Variants in RIMS2 observed in about 807,000 individuals in gnomAD.
The protein encoded by RIMS2 is regulating synaptic membrane exocytosis 2.
In RIMS2, 59 loss-of-function variants were observed where a neutral mutation model predicts 174.4. The observed-to-expected ratio is 0.34, with a 90% CI of 0.27 to 0.42. RIMS2 has a LOEUF of 0.42. Among genes scored for constraint, RIMS2 ranks in the 10% least tolerant of loss-of-function variants. The pLI, the probability that RIMS2 is intolerant of heterozygous loss-of-function variation, is 1.00. For missense variants in RIMS2, 1,620 were observed against 1,666.3 expected (o/e 0.97, Z 0.48); for synonymous variants, 606 against 572.5 (o/e 1.06, Z -0.84).
At chr8:103,591,351 A>G (rs1193396932) in intron 1 of RIMS2, among the ~76,000 whole-genome samples, 3 of 150,854 alleles carry the variant, frequency 2.0e-5, no homozygotes, top group African/African-American at 7.3e-5. Flanking sequence ...ATTTTCTCCC[A>G]GTGTATGCTT....
chr8:104,001,276 T>C (rs1326944155), intron 17 of RIMS2, among the ~76,000 whole-genome samples: 1 of 152,108 alleles, frequency 6.6e-6, no homozygotes, highest in East Asian at 1.9e-4. Context: ...ATGTTTGAAG[T>C]GATGTATATC....
intron 2 of RIMS2, among the ~76,000 whole-genome samples, chr8:103,730,051 A>G (rs1328082828): frequency 1.3e-5 from 2 of 152,158 alleles, no homozygotes; most frequent in Non-Finnish European, 2.9e-5. Context: ...TTCTGTAATT[A>G]TCTATTAGGT....
chr8:104,182,763 G>T (rs2098947412), intron 19 of RIMS2, among the ~76,000 whole-genome samples: 1 of 151,666 alleles, frequency 6.6e-6, no homozygotes, highest in Admixed American at 6.6e-5. Context: ...GACAGTGTAG[G>T]TTTAGACTCT....
intron 1 of RIMS2, among the ~76,000 whole-genome samples, chr8:103,547,858 A>C (rs1845829492): frequency 1.3e-5 from 2 of 152,108 alleles, no homozygotes; most frequent in Admixed American, 1.3e-4. Context: ...AATACTAAAA[A>C]ACCTTCAGAA....
At chr8:104,034,040 G>A (rs774975442) in intron 19 of RIMS2, among the ~76,000 whole-genome samples, 29 of 152,124 alleles carry the variant, frequency 1.9e-4, no homozygotes, top group Non-Finnish European at 3.4e-4. Context: ...TCAATAAATT[G>A]TCAAAGATTC....
At chr8:103,512,245 G>C (rs1290751547) in intron 1 of RIMS2, among the ~76,000 whole-genome samples, 1 of 152,174 alleles carries the variant, frequency 6.6e-6, no homozygotes, top group Non-Finnish European at 1.5e-5. Context: ...TAGTGACAAA[G>C]TTTAACATTT....
At chr8:103,733,863 G>A (rs1171271687) in intron 2 of RIMS2, among the ~76,000 whole-genome samples, 1 of 151,968 alleles carries the variant, frequency 6.6e-6, no homozygotes, top group African/African-American at 2.4e-5. Flanking sequence ...TTAATATGTT[G>A]TTTAAACCAG....
intron 19 of RIMS2, among the ~76,000 whole-genome samples, chr8:104,217,765 T>C (rs1319035169): frequency 6.6e-6 from 1 of 152,208 alleles, no homozygotes; most frequent in Admixed American, 6.5e-5. Flanking sequence ...AGATTATATA[T>C]TTTGGATTTC....
chr8:104,011,383 GAGAAAAATATATA>G (rs1317359043), intron 17 of RIMS2, among the ~76,000 whole-genome samples: 2 of 151,842 alleles, frequency 1.3e-5, no homozygotes, highest in African/African-American at 4.8e-5. Flanking sequence ...TGTATTTACG[GAGAAAAATATATA>G]AGTAAAATGT....
chr8:103,585,764 A>G (rs2430747), intron 1 of RIMS2, among the ~76,000 whole-genome samples: 53,675 of 151,638 alleles, frequency 0.35, 10,225 homozygotes, highest in East Asian at 0.77. Context: ...GCATTAAGAT[A>G]AATACCTAAT....
intron 19 of RIMS2, among the ~76,000 whole-genome samples, chr8:104,016,729 T>C (rs1268245336): frequency 2.0e-5 from 3 of 152,078 alleles, no homozygotes; most frequent in African/African-American, 7.2e-5. Flanking sequence ...TTATGCACAT[T>C]TTTAAAATTG....
At chr8:103,583,674 T>G (rs1188826089) in intron 1 of RIMS2, among the ~76,000 whole-genome samples, 1 of 152,100 alleles carries the variant, frequency 6.6e-6, no homozygotes, top group Non-Finnish European at 1.5e-5. Context: ...GAAGAAAGAA[T>G]TAGTGACCTT....
intron 3 of RIMS2, among the ~76,000 whole-genome samples, chr8:103,837,234 G>C (rs1416504454): frequency 6.6e-6 from 1 of 152,130 alleles, no homozygotes; most frequent in Non-Finnish European, 1.5e-5. Context: ...GACTAGCATT[G>C]GCACTTATCT....
chr8:104,052,640 A>G (rs564004075), intron 19 of RIMS2, among the ~76,000 whole-genome samples: 62 of 152,298 alleles, frequency 4.1e-4, no homozygotes, highest in African/African-American at 1.4e-3. Flanking sequence ...TTCATTGATA[A>G]TGATTATAGG....
intron 19 of RIMS2, among the ~76,000 whole-genome samples, chr8:104,039,381 C>T (rs1221311998): frequency 6.6e-6 from 1 of 151,592 alleles, no homozygotes; most frequent in Non-Finnish European, 1.5e-5. Context: ...CTATGTGTGC[C>T]TCTGCTATTC....
intron 1 of RIMS2, among the ~76,000 whole-genome samples, chr8:103,595,966 C>G (rs1042269606): frequency 6.6e-6 from 1 of 151,904 alleles, no homozygotes; most frequent in Non-Finnish European, 1.5e-5. Flanking sequence ...CTCTCTCTTA[C>G]AAATCATGTT....
intron 1 of RIMS2, among the ~76,000 whole-genome samples, chr8:103,577,312 C>T (rs1410460001): frequency 2.0e-5 from 3 of 152,106 alleles, no homozygotes; most frequent in Non-Finnish European, 4.4e-5. Flanking sequence ...AGCCAACAGA[C>T]ACATGAAAAA....
intron 1 of RIMS2, among the ~76,000 whole-genome samples, chr8:103,620,523 C>T (rs2134616357): frequency 6.6e-6 from 1 of 152,060 alleles, no homozygotes; most frequent in Non-Finnish European, 1.5e-5. Context: ...TATCCATCAT[C>T]TGAGGGAAAA....
At chr8:103,711,982 T>C (rs2097310067) in intron 2 of RIMS2, among the ~76,000 whole-genome samples, 1 of 151,714 alleles carries the variant, frequency 6.6e-6, no homozygotes, top group Admixed American at 6.6e-5. Flanking sequence ...CATTTAAACT[T>C]TATTTTAGTT....
Sources: gnomAD v4.1 joint callset for allele counts (sites outside exome capture counted in the v4.1 genomes callset) on GRCh38, gnomAD v4.1.1 for gene constraint, MANE v1.5 for transcripts, NCBI Gene and HGNC (gene_info 2026-07-23, HGNC 2026-07-21) for gene names.